B3GALT1: variants seen among roughly 807,000 people sequenced by gnomAD.
The protein encoded by B3GALT1 is UDP-Gal:betaGlcNAc beta 1,3-galactosyltransferase, polypeptide 1.
A neutral mutation model predicts 23.2 loss-of-function variants in B3GALT1; 10 were observed. That is an observed-to-expected ratio of 0.43 (90% confidence interval 0.27 to 0.73). The LOEUF is 0.73. B3GALT1 is among the 30% of genes least tolerant of loss of function. The pLI is 0.21. For missense variants in B3GALT1, 299 were observed against 405.4 expected, an observed-to-expected ratio of 0.74 and a Z score of 2.25; for synonymous variants, 156 against 141.5, an observed-to-expected ratio of 1.10 and a Z score of -0.73.
At chr2:167,390,245 C>T (rs190383732) in intron 1 of B3GALT1, among the ~76,000 whole-genome samples, 3 of 152,302 alleles carry the variant, frequency 2.0e-5, no homozygotes, top group Admixed American at 2.0e-4. Flanking sequence ...AGAAATGAAG[C>T]AAGAGCTGAT....
At chr2:167,778,343 G>T in intron 3 of B3GALT1, among the ~76,000 whole-genome samples, 1 of 150,360 alleles carries the variant, frequency 6.7e-6, no homozygotes, top group African/African-American at 2.5e-5. Flanking sequence ...ATTTCCTTTT[G>T]TTTCCCTACC....
Position 167,818,708 on chromosome 2 carries a change from TCTC to T in B3GALT1, c.-308_-306del, listed in dbSNP as rs72249429. On this transcript the variant is annotated 5_prime_UTR_variant, in exon 4 of 5. Transcript: ENST00000392690. Reference sequence around the variant, plus strand: ...TTGCTCCTGGCACGGGCACCTTGAATCTCCTCCTCACACAGATGGAGACCATGC... The same window carrying T: ...TTGCTCCTGGCACGGGCACCTTGAATCTCCTCACACAGATGGAGACCATGC... Among the ~76,000 whole-genome samples, 3,120 of 152,254 alleles carry T rather than the reference TCTC, an allele frequency of 0.02. 112 individuals are homozygous for T. Among genetic ancestry groups the T allele is most frequent in the African/African-American group, 0.071 (2,959 of 41,510 alleles).
At chr2:167,849,435 C>G (rs1036589489) in intron 4 of B3GALT1, among the ~76,000 whole-genome samples, 1 of 152,180 alleles carries the variant, frequency 6.6e-6, no homozygotes, top group African/African-American at 2.4e-5. Flanking sequence ...CAAATACTTA[C>G]AGCCAACTGA....
At chr2:167,403,578 C>G (rs1042216358) in intron 1 of B3GALT1, among the ~76,000 whole-genome samples, 5 of 151,920 alleles carry the variant, frequency 3.3e-5, no homozygotes, top group African/African-American at 1.2e-4. Context: ...AAAGAGTTAT[C>G]TGGTCAATAT....
chr2:167,867,164 G>C (rs1015909496), intron 4 of B3GALT1, among the ~76,000 whole-genome samples: 2 of 152,146 alleles, frequency 1.3e-5, no homozygotes, highest in Non-Finnish European at 2.9e-5. Context: ...CTGACCTCGT[G>C]ATCCGCCCCC....
chr2:167,347,697 G>C (rs1474868542), intron 1 of B3GALT1, among the ~76,000 whole-genome samples: 2 of 150,164 alleles, frequency 1.3e-5, no homozygotes, highest in Non-Finnish European at 3.0e-5. Flanking sequence ...AGATCGGATG[G>C]AATCCAACAG....
intron 3 of B3GALT1, among the ~76,000 whole-genome samples, chr2:167,779,630 G>A (rs1331824360): frequency 6.6e-6 from 1 of 152,128 alleles, no homozygotes; most frequent in African/African-American, 2.4e-5. Context: ...TGCTCTGACG[G>A]ACTATTAGTG....
intron 1 of B3GALT1, among the ~76,000 whole-genome samples, chr2:167,442,419 G>T (rs1698909625): frequency 6.6e-6 from 1 of 152,046 alleles, no homozygotes; most frequent in African/African-American, 2.4e-5. Context: ...GGGTCAAATG[G>T]TATTTCTAGT....
intron 4 of B3GALT1, among the ~76,000 whole-genome samples, chr2:167,857,129 G>T (rs1690014166): frequency 6.6e-6 from 1 of 152,114 alleles, no homozygotes; most frequent in Admixed American, 6.5e-5. Flanking sequence ...TTGTCCAGGA[G>T]ACCAATTTAC....
chr2:167,427,410 G>A (rs534650724), intron 1 of B3GALT1, among the ~76,000 whole-genome samples: 1 of 152,086 alleles, frequency 6.6e-6, no homozygotes, highest in Non-Finnish European at 1.5e-5. Flanking sequence ...TTTATAAAAG[G>A]TTCATACCAT....
At chr2:167,459,905 G>A (rs114417164) in intron 1 of B3GALT1, among the ~76,000 whole-genome samples, 58 of 152,126 alleles carry the variant, frequency 3.8e-4, no homozygotes, top group African/African-American at 1.3e-3. Context: ...TGTTTTTGTT[G>A]TTTCATTTTA....
At chr2:167,637,618 T>A (rs1685582003) in intron 2 of B3GALT1, among the ~76,000 whole-genome samples, 1 of 152,026 alleles carries the variant, frequency 6.6e-6, no homozygotes, top group East Asian at 1.9e-4. Context: ...AACTATATGC[T>A]TGTACTCATT....
In B3GALT1 at chr2:167,418,707, T is replaced by C. The variant is rs76773916; in HGVS notation, c.-510-71470T>C. Among the ~76,000 whole-genome samples the C allele has an allele frequency of 4.8e-3, 728 of 151,282 alleles. 6 individuals carry two copies. Among genetic ancestry groups the C allele is most frequent in the East Asian group, 0.018 (91 of 5,120 alleles). On this transcript the variant is annotated intron_variant, in intron 1 of 4. Coordinates refer to ENST00000392690, the MANE Select transcript of B3GALT1 (RefSeq NM_020981.4). ...TTTTTTTTTTTTTGAAATGGAGTTT[T>C]ACTCTTGTCGCCCAGGCTGGGGTTT...
At chr2:167,642,712 C>T (rs1685674727) in intron 2 of B3GALT1, among the ~76,000 whole-genome samples, 1 of 152,102 alleles carries the variant, frequency 6.6e-6, no homozygotes, top group Non-Finnish European at 1.5e-5. Flanking sequence ...TTTTTCTTCT[C>T]ATATATTATA....
At chr2:167,771,628 G>A (rs1688073718) in intron 3 of B3GALT1, among the ~76,000 whole-genome samples, 1 of 152,144 alleles carries the variant, frequency 6.6e-6, no homozygotes, top group Non-Finnish European at 1.5e-5. Context: ...TAGAATAACT[G>A]AAAACTATCA....
At chr2:167,662,061 T>C (rs1185308686) in intron 3 of B3GALT1, among the ~76,000 whole-genome samples, 1 of 126,880 alleles carries the variant, frequency 7.9e-6, no homozygotes, top group Non-Finnish European at 1.8e-5. Context: ...CCTGTATATG[T>C]TTTCAGAGAT....
At chr2:167,437,206 G>A (rs1427934832) in intron 1 of B3GALT1, among the ~76,000 whole-genome samples, 2 of 152,186 alleles carry the variant, frequency 1.3e-5, no homozygotes, top group Admixed American at 1.3e-4. Context: ...ATTTAGTCTG[G>A]TAGGGTAAGT....
At chr2:167,350,340 A>G (rs1184170706) in intron 1 of B3GALT1, among the ~76,000 whole-genome samples, 1 of 152,234 alleles carries the variant, frequency 6.6e-6, no homozygotes, top group Non-Finnish European at 1.5e-5. Context: ...ATATAAGGAA[A>G]GGAACGTTTA....
At chr2:167,321,124 C>T (rs1696804642) in intron 1 of B3GALT1, among the ~76,000 whole-genome samples, 1 of 151,884 alleles carries the variant, frequency 6.6e-6, no homozygotes, top group Non-Finnish European at 1.5e-5. Context: ...TTAATATGGG[C>T]TTTTCTGTGT....
Sources: gnomAD v4.1 joint callset for allele counts (sites outside exome capture counted in the v4.1 genomes callset) on GRCh38, gnomAD v4.1.1 for gene constraint, MANE v1.5 for transcripts, NCBI Gene and HGNC (gene_info 2026-07-23, HGNC 2026-07-21) for gene names.